MYOCD: variants seen among roughly 807,000 people sequenced by gnomAD.
The protein encoded by MYOCD is myocardin.
A neutral mutation model predicts 96.1 loss-of-function variants in MYOCD; 32 were observed. The ratio of observed to expected loss-of-function variants is 0.33; its 90% CI spans 0.25 to 0.45. The LOEUF (loss-of-function observed/expected upper bound fraction) is 0.45, where lower values mean the gene tolerates loss of function less well. Ranked by LOEUF, MYOCD falls within the 20% of genes least tolerant of loss-of-function variation. The pLI is 1.00. For missense variants in MYOCD, 1,133 were observed against 1,200.6 expected (o/e 0.94, Z 0.83); for synonymous variants, 469 against 469.0 (o/e 1.00, Z 0.00).
rs775018858 is a variant in MYOCD, at chr17:12,717,328, CTT to C, written c.178-17_178-16del. On this transcript the variant is annotated splice_polypyrimidine_tract_variant and intron_variant, in intron 3 of 13. Coordinates refer to ENST00000425538, the MANE Select transcript of MYOCD (RefSeq NM_001146312.3). ...TAAAAGGTAAAACTAGGTGATTTCT[CTT>C]GTTTGGGTTCTACAGGCTAAAAATT... 17 of 1,607,210 alleles carry C rather than the reference CTT, an allele frequency of 1.1e-5. No individual in the cohort carries two copies. The highest frequency in any genetic ancestry group is 1.4e-5 in the Non-Finnish European group (16 of 1,174,906).
chr17:12,676,362 C>G (rs952703659), intron 1 of MYOCD, among the ~76,000 whole-genome samples: 17 of 151,494 alleles, frequency 1.1e-4, no homozygotes, highest in Admixed American at 1.1e-3. Flanking sequence ...TTAATCCCAA[C>G]AAGTTGAGAA....
intron 6 of MYOCD, among the ~76,000 whole-genome samples, chr17:12,736,820 G>T (rs2032360393): frequency 6.6e-6 from 1 of 152,186 alleles, no homozygotes; most frequent in Non-Finnish European, 1.5e-5. Context: ...TCTGCTTTTA[G>T]CAGGTTTCTA....
rs150111694 is a variant in MYOCD at position 12,760,876 on chromosome 17, A to G, written c.2389+169A>G. ...CTCGCACATTTTTAGAGCTGATAAA[A>G]GAAGGCTTAGTGGATGATTCCTCAC... is the stretch of plus-strand genomic sequence containing the variant. On this transcript the variant is annotated intron_variant, in intron 13 of 13. Transcript: ENST00000425538. 362 of 601,394 alleles carry G rather than the reference A, an allele frequency of 6.0e-4. 5 individuals carry two copies. The East Asian group carries it at 9.6e-3, about 16-fold the overall frequency. The allele number at this position is 601,394 out of a possible 1,614,324, so 37.3% of individuals were successfully genotyped here. A position where few individuals can be genotyped will look rare whatever the true frequency, so the allele number is the denominator to read the frequency against.
At chr17:12,754,220 TC>T (rs2032946827) in intron 10 of MYOCD, among the ~76,000 whole-genome samples, 1 of 152,152 alleles carries the variant, frequency 6.6e-6, no homozygotes, top group Non-Finnish European at 1.5e-5. Flanking sequence ...TTTTTCTGCG[TC>T]AGCCTCCCGA....
chr17:12,688,529 C>T (rs932638068), intron 1 of MYOCD, among the ~76,000 whole-genome samples: 3 of 93,076 alleles, frequency 3.2e-5, no homozygotes, highest in African/African-American at 1.5e-4. Flanking sequence ...CTTCCATCTT[C>T]TTCCTTCCTT....
Position 12,666,133 on chromosome 17 carries a change from C to A in MYOCD, c.-56C>A. 7.2e-7 allele frequency: 1 copy of A among 1,382,100 alleles called. No individual in the cohort carries two copies. Among genetic ancestry groups the A allele is most frequent in the Non-Finnish European group, 1.0e-6 (1 of 971,420 alleles). 85.6% of individuals were successfully genotyped at this position (1,382,100 alleles called of 1,614,324 possible). On this transcript the variant is annotated 5_prime_UTR_variant, in exon 1 of 14. It adds an upstream start codon to the 5' untranslated region. Coordinates refer to ENST00000425538, the MANE Select transcript of MYOCD (RefSeq NM_001146312.3). Reference sequence around the variant, plus strand: ...CAGCTGGGCTCCCGGGAGCCTGTTGCTGGTGGAGAACAGGGGGCGCCTGGC... The same window carrying A: ...CAGCTGGGCTCCCGGGAGCCTGTTGATGGTGGAGAACAGGGGGCGCCTGGC...
rs115218236 is a variant in MYOCD at position 12,696,088 on chromosome 17, C to T, written c.56-9040C>T. On this transcript the variant is annotated intron_variant, in intron 1 of 13. Transcript: ENST00000425538. ...GTTGTTGTTGTTTTAGACAGAGTCT[C>T]GCCCTGTTACCAGCCTGGAGTGCAG... Among the ~76,000 whole-genome samples, 1,028 of 152,148 alleles carry T rather than the reference C, an allele frequency of 6.8e-3. 11 individuals carry two copies. The highest frequency in any genetic ancestry group is 0.023 in the African/African-American group (954 of 41,510).
At chr17:12,724,815 T>C (rs2031949314) in intron 5 of MYOCD, among the ~76,000 whole-genome samples, 1 of 152,058 alleles carries the variant, frequency 6.6e-6, no homozygotes, top group South Asian at 2.1e-4. Context: ...TCTTCACAAG[T>C]TTCTTTACAT....
chr17:12,694,768 A>G (rs1209932352), intron 1 of MYOCD, among the ~76,000 whole-genome samples: 1 of 152,090 alleles, frequency 6.6e-6, no homozygotes, highest in African/African-American at 2.4e-5. Flanking sequence ...GTAATATCAA[A>G]GACGTGGCCA....
chr17:12,705,282 C>A, intron 2 of MYOCD, 89 bp downstream of exon 2: 1 of 849,076 alleles, frequency 1.2e-6, no homozygotes, highest in Non-Finnish European at 1.9e-6. Context: ...TTAGTTTAAG[C>A]CAATGCATTG....
chr17:12,689,230 C>A (rs982525627), intron 1 of MYOCD, among the ~76,000 whole-genome samples: 107 of 152,258 alleles, frequency 7.0e-4, no homozygotes, highest in Non-Finnish European at 1.2e-3. Flanking sequence ...GAATATATAG[C>A]ACTGCTATCA....
At chr17:12,689,606 C>T (rs868324616) in intron 1 of MYOCD, among the ~76,000 whole-genome samples, 5 of 152,098 alleles carry the variant, frequency 3.3e-5, no homozygotes, top group East Asian at 1.9e-4. Flanking sequence ...CCAAGGCAGG[C>T]GGATCACTTG....
intron 10 of MYOCD, among the ~76,000 whole-genome samples, 158 bp downstream of exon 10, chr17:12,753,504 G>A (rs1338930955): frequency 2.6e-5 from 4 of 152,182 alleles, no homozygotes; most frequent in African/African-American, 7.2e-5. Context: ...AATCCTCATG[G>A]TAGACCAAAC....
chr17:12,720,068 C>G (rs897335614), intron 4 of MYOCD, among the ~76,000 whole-genome samples: 9 of 151,920 alleles, frequency 5.9e-5, no homozygotes, highest in African/African-American at 2.2e-4. Context: ...AATGGCGTCT[C>G]CCGCTCTTTT....
chr17:12,730,426 C>T (rs1283859777), intron 5 of MYOCD, among the ~76,000 whole-genome samples: 1 of 141,980 alleles, frequency 7.0e-6, no homozygotes, highest in East Asian at 2.0e-4. Flanking sequence ...CCAGCTTGGG[C>T]GATGAGCGAA....
chr17:12,737,430 A>G (rs551225378), intron 6 of MYOCD, among the ~76,000 whole-genome samples: 35 of 152,300 alleles, frequency 2.3e-4, no homozygotes, highest in African/African-American at 8.2e-4. Context: ...GAAGGAACTA[A>G]AGCTCTGTGA....
At chr17:12,690,792 G>A (rs1030466240) in intron 1 of MYOCD, among the ~76,000 whole-genome samples, 8 of 152,078 alleles carry the variant, frequency 5.3e-5, no homozygotes, top group African/African-American at 9.7e-5. Flanking sequence ...CAGGTAAATT[G>A]GGGAAATCCT....
chr17:12,697,875 A>C (rs1159757394), intron 1 of MYOCD, among the ~76,000 whole-genome samples: 1 of 152,198 alleles, frequency 6.6e-6, no homozygotes, highest in African/African-American at 2.4e-5. Flanking sequence ...AAGCAAAGGA[A>C]ATTTTTTAAT....
At chr17:12,723,781 C>T (rs756366430) in intron 5 of MYOCD, among the ~76,000 whole-genome samples, 33 of 152,268 alleles carry the variant, frequency 2.2e-4, no homozygotes, top group African/African-American at 5.8e-4. Context: ...TGCCGCAATC[C>T]GCTCTGAGAA....
Sources: gnomAD v4.1 joint callset for allele counts (sites outside exome capture counted in the v4.1 genomes callset) on GRCh38, gnomAD v4.1.1 for gene constraint, MANE v1.5 for transcripts, NCBI Gene and HGNC (gene_info 2026-07-23, HGNC 2026-07-21) for gene names.